DPP10: variants seen among roughly 807,000 people sequenced by gnomAD.
DPP10 encodes the protein inactive dipeptidyl peptidase 10.
Under a neutral mutation model 120.9 loss-of-function variants are expected in DPP10, and 33 were observed. The observed-to-expected ratio is 0.27, with a 90% CI of 0.21 to 0.37. The LOEUF is 0.37. DPP10 is among the 10% of genes least tolerant of loss of function. The pLI, the probability that DPP10 is intolerant of heterozygous loss-of-function variation, is 1.00. For missense variants in DPP10, 816 were observed against 942.8 expected (o/e 0.87, Z 1.76); for synonymous variants, 337 against 326.1 (o/e 1.03, Z -0.36).
At chr2:114,993,644 A>G (rs1454593217) in intron 1 of DPP10, among the ~76,000 whole-genome samples, 1 of 146,476 alleles carries the variant, frequency 6.8e-6, no homozygotes, top group East Asian at 2.0e-4. Flanking sequence ...AATGCTTTTT[A>G]CATAAAACCC....
At chr2:114,895,190 T>C (rs1245359865) in intron 1 of DPP10, among the ~76,000 whole-genome samples, 1 of 152,220 alleles carries the variant, frequency 6.6e-6, no homozygotes, top group Non-Finnish European at 1.5e-5. Flanking sequence ...ATGACAACTA[T>C]GAGTATTTTG....
intron 1 of DPP10, among the ~76,000 whole-genome samples, chr2:114,887,963 C>A (rs34205770): frequency 0.27 from 41,310 of 151,658 alleles, 5,703 homozygotes; most frequent in Middle Eastern, 0.34. Flanking sequence ...CACAGTGAAA[C>A]CCCGACCGTC....
chr2:114,443,050 CT>C (rs112562580), intron 1 of DPP10, among the ~76,000 whole-genome samples: 2,087 of 144,248 alleles, frequency 0.014, 29 homozygotes, highest in African/African-American at 0.043. Context: ...ATCTTCATGA[CT>C]TTTTTTTTTT....
At chr2:114,648,510 A>T (rs1373092413) in intron 1 of DPP10, among the ~76,000 whole-genome samples, 1 of 152,098 alleles carries the variant, frequency 6.6e-6, no homozygotes, top group Non-Finnish European at 1.5e-5. Context: ...TTACCCACTA[A>T]ATGTGGTTCC....
chr2:115,514,460 A>G (rs2077396133), intron 4 of DPP10, among the ~76,000 whole-genome samples: 2 of 151,740 alleles, frequency 1.3e-5, no homozygotes, highest in Non-Finnish European at 3.0e-5. Context: ...CTCTTAAAAT[A>G]GTAACTTTAA....
Position 114,642,578 on chromosome 2 carries a change from C to T in DPP10, c.60+199740C>T, listed in dbSNP as rs577005301. 3.3e-5 allele frequency among the ~76,000 whole-genome samples: 5 copies of T among 151,918 alleles called. No individual in the cohort carries two copies. In the South Asian group the frequency reaches 8.3e-4, roughly 25 times the overall value. ...TGGGTAAGTAAGCTGCTGTATGTGC[C>T]CCCAGGCCATAGGCATGTCAGCAGC... is the stretch of plus-strand genomic sequence containing the variant. On this transcript the variant is annotated intron_variant, in intron 1 of 25. Transcript: ENST00000410059.
intron 1 of DPP10, among the ~76,000 whole-genome samples, chr2:114,539,695 T>A (rs1396034669): frequency 6.6e-6 from 1 of 152,170 alleles, no homozygotes; most frequent in African/African-American, 2.4e-5. Flanking sequence ...ATTCAGCACA[T>A]CATACTGCAC....
chr2:115,198,870 C>G (rs181187282), intron 1 of DPP10, among the ~76,000 whole-genome samples: 151 of 152,286 alleles, frequency 9.9e-4, no homozygotes, highest in African/African-American at 3.4e-3. Context: ...TATTGCCTCT[C>G]AAGAAGTAGA....
intron 5 of DPP10, among the ~76,000 whole-genome samples, chr2:115,527,370 T>C (rs1384198483): frequency 6.6e-6 from 1 of 152,138 alleles, no homozygotes; most frequent in Non-Finnish European, 1.5e-5. Context: ...CATATTGGCT[T>C]AAGCCACACA....
chr2:114,710,700 A>G (rs1700971306), intron 1 of DPP10, among the ~76,000 whole-genome samples: 1 of 152,160 alleles, frequency 6.6e-6, no homozygotes, highest in South Asian at 2.1e-4. Flanking sequence ...AGTTGAGATC[A>G]TGACACTGCA....
chr2:114,570,171 A>G (rs3981302), intron 1 of DPP10, among the ~76,000 whole-genome samples: 150,594 of 152,262 alleles, frequency 0.99, 74,492 homozygotes, highest in Middle Eastern at 1. Context: ...TTGAAAACAG[A>G]TTTATAAAAA....
At chr2:115,600,992 T>C (rs1421326623) in intron 5 of DPP10, among the ~76,000 whole-genome samples, 2 of 152,150 alleles carry the variant, frequency 1.3e-5, no homozygotes, top group South Asian at 2.1e-4. Context: ...GCCTTGAAAA[T>C]AGAAAAATAA....
At chr2:115,289,419 C>T (rs575500195) in intron 1 of DPP10, among the ~76,000 whole-genome samples, 1 of 142,398 alleles carries the variant, frequency 7.0e-6, no homozygotes, top group South Asian at 2.3e-4. Flanking sequence ...CAGTGTGATT[C>T]TTATCAAAAT....
intron 1 of DPP10, among the ~76,000 whole-genome samples, chr2:114,845,839 A>G (rs1688507145): frequency 6.6e-6 from 1 of 152,182 alleles, no homozygotes; most frequent in South Asian, 2.1e-4. Flanking sequence ...GGGCAAATGT[A>G]TAGTAGTTTA....
chr2:114,555,651 G>A (rs1204900246), intron 1 of DPP10, among the ~76,000 whole-genome samples: 5 of 152,022 alleles, frequency 3.3e-5, no homozygotes, highest in Non-Finnish European at 5.9e-5. Context: ...CCCATACACA[G>A]GGAGCCTTCT....
intron 5 of DPP10, among the ~76,000 whole-genome samples, chr2:115,619,581 C>A (rs1189947455): frequency 1.3e-5 from 2 of 152,124 alleles, no homozygotes; most frequent in Non-Finnish European, 2.9e-5. Context: ...CCAAGTGGTT[C>A]CCAGCATAGC....
At chr2:115,687,363 G>C (rs987517734) in intron 5 of DPP10, among the ~76,000 whole-genome samples, 1 of 152,020 alleles carries the variant, frequency 6.6e-6, no homozygotes, top group African/African-American at 2.4e-5. Flanking sequence ...GATCTGCTGG[G>C]AACACACACA....
chr2:114,726,231 G>A (rs533372642), intron 1 of DPP10, among the ~76,000 whole-genome samples: 1 of 138,350 alleles, frequency 7.2e-6, no homozygotes, highest in African/African-American at 2.8e-5. Context: ...GCGAGACTAC[G>A]TCTAAAAAAA....
intron 1 of DPP10, among the ~76,000 whole-genome samples, chr2:114,488,520 T>C (rs759660827): frequency 6.6e-6 from 1 of 152,168 alleles, no homozygotes; most frequent in Non-Finnish European, 1.5e-5. Context: ...AAATGATAAA[T>C]GTTGAATTAG....
Sources: gnomAD v4.1 joint callset for allele counts (sites outside exome capture counted in the v4.1 genomes callset) on GRCh38, gnomAD v4.1.1 for gene constraint, MANE v1.5 for transcripts, NCBI Gene and HGNC (gene_info 2026-07-23, HGNC 2026-07-21) for gene names.